OLFM3: variants seen among roughly 807,000 people sequenced by gnomAD.
The protein encoded by OLFM3 is olfactomedin 3, also known as noelin-3.
Under a neutral mutation model 48.6 loss-of-function variants are expected in OLFM3, and 20 were observed. The ratio of observed to expected loss-of-function variants is 0.41; its 90% confidence interval spans 0.29 to 0.60. The LOEUF is 0.60. Among genes scored for constraint, OLFM3 ranks in the 20% least tolerant of loss-of-function variants. The probability of loss-of-function intolerance (pLI) is 0.28; values close to 1 mark genes in which losing one functional copy is unlikely to be tolerated. For missense variants in OLFM3, 437 were observed against 544.3 expected (o/e 0.80, Z 1.96); for synonymous variants, 222 against 198.1 (o/e 1.12, Z -1.01).
At chr1:101,821,240 A>C (rs1369454196) in intron 4 of OLFM3, among the ~76,000 whole-genome samples, 1 of 152,074 alleles carries the variant, frequency 6.6e-6, no homozygotes, top group Non-Finnish European at 1.5e-5. Context: ...AGGAAATGTA[A>C]ATACTAAATT....
At chr1:101,867,780 G>T (rs1415961170) in intron 1 of OLFM3, among the ~76,000 whole-genome samples, 2 of 152,146 alleles carry the variant, frequency 1.3e-5, no homozygotes, top group Non-Finnish European at 2.9e-5. Context: ...CAGCATGAGG[G>T]TTATGCTATG....
intron 1 of OLFM3, among the ~76,000 whole-genome samples, chr1:101,892,593 C>T (rs1376908667): frequency 6.6e-6 from 1 of 152,030 alleles, no homozygotes; most frequent in Non-Finnish European, 1.5e-5. Context: ...CATTGCCACC[C>T]TTTCCCTCCC....
chr1:101,926,713 C>T (rs569050976), intron 1 of OLFM3, among the ~76,000 whole-genome samples: 25 of 152,264 alleles, frequency 1.6e-4, no homozygotes, highest in African/African-American at 6.0e-4. Flanking sequence ...TAGTGGCAGT[C>T]ATTTCTGATG....
At chr1:101,970,777 C>A (rs992657219) in intron 1 of OLFM3, among the ~76,000 whole-genome samples, 1 of 152,222 alleles carries the variant, frequency 6.6e-6, no homozygotes, top group Non-Finnish European at 1.5e-5. Flanking sequence ...CTGGAGTACA[C>A]TTCATACATG....
Position 101,804,615 on chromosome 1 carries a change from T to C in OLFM3, c.1000A>G (p.Ile334Val). 1 of 1,612,594 alleles carries C rather than the reference T, an allele frequency of 6.2e-7. No homozygotes were observed. ...GTTGCATACACAGCCCACAGCCCGA[T>C]TTCATCAGCCATTAGGTCGATGTCA... ...FSDIDLMADE[I>V]GLWAVYATNQ... The change falls in exon 6 of 6, where the codon ATC becomes GTC. Residue 334 changes from isoleucine (I) to valine (V), a missense_variant. Physicochemically the swap from Ile to Val is conservative, Grantham distance 29. This residue lies in a region of OLFM3 where 15 missense variants were observed against 43.0 expected (regional missense o/e 0.35). Transcript: ENST00000370103. This position sits in a 1 kb window ranked among gnomAD's most constrained non-coding sequence, Gnocchi z 4.5.
chr1:101,847,178 C>T (rs1273584318), intron 1 of OLFM3: 1 of 431,682 alleles, frequency 2.3e-6, no homozygotes, highest in Non-Finnish European at 3.1e-6. Context: ...CCTTACCAGA[C>T]ATTTTGCTGG....
chr1:101,919,883 C>T (rs896316143), intron 1 of OLFM3, among the ~76,000 whole-genome samples: 1 of 152,148 alleles, frequency 6.6e-6, no homozygotes, highest in Non-Finnish European at 1.5e-5. Flanking sequence ...TTTCTGCCCC[C>T]TTCTCTTACA....
intron 2 of OLFM3, among the ~76,000 whole-genome samples, chr1:101,836,504 C>A (rs1655416128): frequency 6.6e-6 from 1 of 151,922 alleles, no homozygotes; most frequent in Admixed American, 6.6e-5. Flanking sequence ...AACTTTATTG[C>A]AAGGTTGTTA....
chr1:101,826,515 A>G (rs1297355130), intron 3 of OLFM3, among the ~76,000 whole-genome samples: 1 of 152,220 alleles, frequency 6.6e-6, no homozygotes, highest in Non-Finnish European at 1.5e-5. Context: ...AGATGTTATT[A>G]CTATAAATGC....
chr1:101,975,943 A>G (rs1486914886), intron 1 of OLFM3, among the ~76,000 whole-genome samples: 2 of 152,166 alleles, frequency 1.3e-5, no homozygotes, highest in Non-Finnish European at 2.9e-5. Flanking sequence ...ACGATGGAAG[A>G]AAAAAACAGC....
At chr1:101,809,971 A>G (rs1653969862) in intron 4 of OLFM3, among the ~76,000 whole-genome samples, 1 of 151,908 alleles carries the variant, frequency 6.6e-6, no homozygotes, top group African/African-American at 2.4e-5. Flanking sequence ...TACAGATCTC[A>G]TCTGCTCTGT....
chr1:101,849,462 G>A (rs926855820), intron 1 of OLFM3, among the ~76,000 whole-genome samples: 1 of 152,162 alleles, frequency 6.6e-6, no homozygotes, highest in Non-Finnish European at 1.5e-5. Flanking sequence ...ACCAGCTCAG[G>A]GCTTCAGGGT....
chr1:101,911,282 A>G (rs1332909676), intron 1 of OLFM3, among the ~76,000 whole-genome samples: 2 of 152,186 alleles, frequency 1.3e-5, no homozygotes, highest in Non-Finnish European at 2.9e-5. Context: ...TTAAAATGAG[A>G]TTTTTAACTT....
intron 1 of OLFM3, among the ~76,000 whole-genome samples, chr1:101,994,822 G>A (rs1661515045): frequency 6.6e-6 from 1 of 151,974 alleles, no homozygotes; most frequent in African/African-American, 2.4e-5. Context: ...AAGCTGAGAA[G>A]GACAGTTTGA....
chr1:101,877,018 C>T (rs1422349013), intron 1 of OLFM3, among the ~76,000 whole-genome samples: 1 of 151,924 alleles, frequency 6.6e-6, no homozygotes, highest in African/African-American at 2.4e-5. Flanking sequence ...CTGAAACATA[C>T]TTGTTGGTGA....
chr1:101,938,099 T>G (rs1442542257), intron 1 of OLFM3, among the ~76,000 whole-genome samples: 1 of 152,204 alleles, frequency 6.6e-6, no homozygotes, highest in African/African-American at 2.4e-5. Context: ...AATCAAATAT[T>G]TTTCATTGTA....
At chr1:101,955,759 G>T (rs1432202054) in intron 1 of OLFM3, among the ~76,000 whole-genome samples, 1 of 151,892 alleles carries the variant, frequency 6.6e-6, no homozygotes, top group Non-Finnish European at 1.5e-5. Context: ...GAAATGTGTT[G>T]ATATCTCTCA....
intron 2 of OLFM3, among the ~76,000 whole-genome samples, chr1:101,832,082 T>C (rs1655182665): frequency 6.6e-6 from 1 of 152,144 alleles, no homozygotes. Context: ...TTCGTATTTT[T>C]ATTAGAGTCG....
intron 1 of OLFM3, among the ~76,000 whole-genome samples, chr1:101,905,473 A>T (rs1018220578): frequency 1.3e-5 from 2 of 152,178 alleles, no homozygotes; most frequent in Non-Finnish European, 2.9e-5. Flanking sequence ...CTATATTGCC[A>T]AAAGAGTTGT....
Sources: gnomAD v4.1 joint callset for allele counts (sites outside exome capture counted in the v4.1 genomes callset) on GRCh38, gnomAD v4.1.1 for gene constraint, gnomAD v4.1.1 regional missense constraint, Gnocchi (gnomAD v3.1) non-coding constraint, MANE v1.5 for transcripts, NCBI Gene and HGNC (gene_info 2026-07-23, HGNC 2026-07-21) for gene names.